DPP6: variants seen among roughly 807,000 people sequenced by gnomAD.
DPP6 encodes A-type potassium channel modulatory protein DPP6.
In DPP6, 69 loss-of-function variants were observed where a neutral mutation model predicts 122.6. The ratio of observed to expected loss-of-function variants is 0.56; its 90% confidence interval spans 0.46 to 0.69. The LOEUF is 0.69. Ranked by LOEUF, DPP6 falls within the 30% of genes least tolerant of loss-of-function variation. The pLI is 0.00. For synonymous variants in DPP6, 418 were observed against 433.1 expected, an observed-to-expected ratio of 0.97 and a Z score of 0.43; for missense variants, 928 against 1,116.9, an observed-to-expected ratio of 0.83 and a Z score of 2.41.
Position 154,138,664 on chromosome 7 carries a change from A to G in DPP6, c.243+85601A>G, listed in dbSNP as rs1335534930. 2.0e-5 allele frequency among the ~76,000 whole-genome samples: 3 copies of G among 151,906 alleles called. No individual in the cohort carries two copies. In the East Asian group the frequency reaches 5.8e-4, roughly 29 times the overall value. Reference sequence around the variant, plus strand: ...TCATAGGCTAGACCTGTGACCTCCTAGGTGAAATAACAAAGGCTGGAAAGA... The same window carrying G: ...TCATAGGCTAGACCTGTGACCTCCTGGGTGAAATAACAAAGGCTGGAAAGA... On this transcript the variant is annotated intron_variant, in intron 1 of 25. Transcript: ENST00000377770.
At chr7:154,307,066 A>G (rs1563447918) in intron 1 of DPP6, among the ~76,000 whole-genome samples, 1 of 152,162 alleles carries the variant, frequency 6.6e-6, no homozygotes. Context: ...AATAATTACG[A>G]AAGAGTGCAT....
chr7:153,904,637 C>T (rs778461511), intron 1 of DPP6, among the ~76,000 whole-genome samples: 23 of 152,182 alleles, frequency 1.5e-4, no homozygotes, highest in African/African-American at 5.1e-4. Flanking sequence ...ATTGATTGAA[C>T]GTCTCATACG....
At chr7:154,093,068 A>G (rs1419688377) in intron 1 of DPP6, among the ~76,000 whole-genome samples, 2 of 151,674 alleles carry the variant, frequency 1.3e-5, no homozygotes, top group African/African-American at 2.4e-5. Context: ...CACACCACAC[A>G]CACATATCAC....
At chr7:154,205,686 G>T (rs1799404084) in intron 1 of DPP6, among the ~76,000 whole-genome samples, 1 of 151,858 alleles carries the variant, frequency 6.6e-6, no homozygotes. Context: ...CGGCCTCCAG[G>T]CCCGGAGCAC....
At chr7:154,128,648 C>T (rs1048167458) in intron 1 of DPP6, among the ~76,000 whole-genome samples, 6 of 152,140 alleles carry the variant, frequency 3.9e-5, no homozygotes, top group Non-Finnish European at 7.4e-5. Context: ...CTCGGCCTCC[C>T]AAAGTGCTGG....
At chr7:153,829,222 CTTTTA>C in the DPP6 span, among the ~76,000 whole-genome samples, 1 of 152,028 alleles carries the variant, frequency 6.6e-6, no homozygotes, top group African/African-American at 2.4e-5. Flanking sequence ...GTCCTCCTCC[CTTTTA>C]TTTTGAGACA....
chr7:153,773,015 TTA>T, the DPP6 span, among the ~76,000 whole-genome samples: 1 of 130,818 alleles, frequency 7.6e-6, no homozygotes, highest in African/African-American at 2.9e-5. Context: ...AAGACATATA[TTA>T]TATAATAATA....
chr7:154,694,351 A>C (rs10229855), intron 7 of DPP6, among the ~76,000 whole-genome samples: 139,772 of 152,236 alleles, frequency 0.92, 64,557 homozygotes, highest in South Asian at 1. Context: ...GTGGCTCACA[A>C]CTGTAATCCC....
chr7:154,053,463 A>ACACAGCCT (rs1585237590), intron 1 of DPP6, among the ~76,000 whole-genome samples: 2 of 151,174 alleles, frequency 1.3e-5, no homozygotes, highest in East Asian at 4.0e-4. Context: ...TGCTCCGGGA[A>ACACAGCCT]CACAGCCTCA....
At chr7:154,425,605 TGTGTGTGTGTGTGTGG>T (rs1817825190) in intron 1 of DPP6, among the ~76,000 whole-genome samples, 1 of 95,588 alleles carries the variant, frequency 1.0e-5, no homozygotes, top group Non-Finnish European at 2.2e-5. Flanking sequence ...GGGAAAAAAA[TGTGTGTGTGTGTGTGG>T]GTGTGTGTGT....
At chr7:154,228,830 T>A (rs1264315459) in intron 1 of DPP6, among the ~76,000 whole-genome samples, 1 of 152,158 alleles carries the variant, frequency 6.6e-6, no homozygotes, top group African/African-American at 2.4e-5. Context: ...GAACTGAGGG[T>A]CCCTGGAATT....
intron 1 of DPP6, among the ~76,000 whole-genome samples, chr7:154,294,583 G>T (rs1250387129): frequency 6.6e-6 from 1 of 152,112 alleles, no homozygotes; most frequent in Non-Finnish European, 1.5e-5. Context: ...AGGTTTGGGG[G>T]ATATTTTACA....
At chr7:154,284,177 G>A (rs1169231037) in intron 1 of DPP6, among the ~76,000 whole-genome samples, 1 of 152,122 alleles carries the variant, frequency 6.6e-6, no homozygotes, top group African/African-American at 2.4e-5. Flanking sequence ...GCTCTTGGTT[G>A]AGGGGACTGT....
intron 1 of DPP6, among the ~76,000 whole-genome samples, chr7:153,920,268 T>C (rs1202979824): frequency 6.6e-6 from 1 of 152,242 alleles, no homozygotes; most frequent in Admixed American, 6.5e-5. Flanking sequence ...ATAACTTCCC[T>C]TGAAGCAAAG....
chr7:154,014,978 A>G (rs1242354894), intron 1 of DPP6, among the ~76,000 whole-genome samples: 3 of 152,050 alleles, frequency 2.0e-5, no homozygotes, highest in Non-Finnish European at 4.4e-5. Context: ...GAATGATCCA[A>G]TTTTTCATTC....
intron 1 of DPP6, among the ~76,000 whole-genome samples, chr7:154,252,319 C>T (rs1298338842): frequency 6.6e-6 from 1 of 152,154 alleles, no homozygotes. Flanking sequence ...AAAATTCCTC[C>T]TGTTCAGTGG....
intron 4 of DPP6, 116 bp from the exon 5 acceptor site, chr7:154,566,726 A>G: frequency 1.6e-6 from 1 of 634,566 alleles, no homozygotes; most frequent in Non-Finnish European, 2.8e-6. Context: ...GAAAGGATAT[A>G]GCCATTTTAA....
intron 7 of DPP6, among the ~76,000 whole-genome samples, chr7:154,674,738 A>G (rs939633222): frequency 6.6e-6 from 1 of 152,226 alleles, no homozygotes; most frequent in Non-Finnish European, 1.5e-5. Flanking sequence ...GCAGTGGAGT[A>G]GTTAGCCGGG....
chr7:154,013,474 T>C, intron 1 of DPP6, among the ~76,000 whole-genome samples: 1 of 150,326 alleles, frequency 6.7e-6, no homozygotes, highest in Admixed American at 6.6e-5. Context: ...TTTTTTTTTT[T>C]AACAAATTCA....
Sources: gnomAD v4.1 joint callset for allele counts (sites outside exome capture counted in the v4.1 genomes callset) on GRCh38, gnomAD v4.1.1 for gene constraint, MANE v1.5 for transcripts, NCBI Gene and HGNC (gene_info 2026-07-23, HGNC 2026-07-21) for gene names.